The following SGPP2 variants were observed in gnomAD, a reference collection of about 807,000 sequenced individuals.
SGPP2 encodes the protein sphingosine-1-phosphate phosphatase 2.
In SGPP2, 30 loss-of-function variants were observed where a neutral mutation model predicts 33.9. The observed-to-expected ratio is 0.89, with a 90% CI of 0.66 to 1.20. The LOEUF (loss-of-function observed/expected upper bound fraction) is 1.20, where lower values mean the gene tolerates loss of function less well. SGPP2 is among the 50% of genes most tolerant of loss of function. SGPP2 has a pLI of 0.00. For synonymous variants in SGPP2, 233 were observed against 225.0 expected, an observed-to-expected ratio of 1.04 and a Z score of -0.32; for missense variants, 458 against 532.1, an observed-to-expected ratio of 0.86 and a Z score of 1.37.
intron 1 of SGPP2, among the ~76,000 whole-genome samples, chr2:222,426,269 T>C (rs1296822131): frequency 7.1e-6 from 1 of 141,776 alleles, no homozygotes; most frequent in South Asian, 2.3e-4. Context: ...CAAAAAACAG[T>C]CCCATGGCTG....
chr2:222,474,351 G>T (rs990324113), intron 1 of SGPP2, among the ~76,000 whole-genome samples: 14 of 152,214 alleles, frequency 9.2e-5, no homozygotes, highest in African/African-American at 3.1e-4. Context: ...TTCTGTCTTG[G>T]ATATTGCTTA....
intron 2 of SGPP2, chr2:222,504,317 C>A (rs145041858): frequency 6.6e-6 from 1 of 152,238 alleles, no homozygotes; most frequent in Non-Finnish European, 1.5e-5. Flanking sequence ...CTGTGGGGAG[C>A]AGTGATGGCG....
At chr2:222,511,669 A>G (rs1191703635) in intron 2 of SGPP2, among the ~76,000 whole-genome samples, 2 of 152,168 alleles carry the variant, frequency 1.3e-5, no homozygotes, top group African/African-American at 2.4e-5. Flanking sequence ...AAATGAAGAA[A>G]TAGTTCTCTG....
chr2:222,488,741 G>C (rs1698151618), intron 2 of SGPP2, among the ~76,000 whole-genome samples: 1 of 152,128 alleles, frequency 6.6e-6, no homozygotes, highest in Non-Finnish European at 1.5e-5. Flanking sequence ...TCAGCTTAGG[G>C]GGATGTGTGT....
intron 2 of SGPP2, among the ~76,000 whole-genome samples, chr2:222,502,253 C>T (rs1197769946): frequency 6.6e-6 from 1 of 152,108 alleles, no homozygotes; most frequent in African/African-American, 2.4e-5. Flanking sequence ...AAACCATATC[C>T]CCTTCTTGTT....
intron 1 of SGPP2, among the ~76,000 whole-genome samples, chr2:222,428,785 C>CTTT (rs58239129): frequency 3.7e-4 from 28 of 75,334 alleles, no homozygotes; most frequent in South Asian, 1.1e-3. Context: ...ACATGGTTTT[C>CTTT]TTTTTTTTTT....
chr2:222,530,094 G>A (rs1698816887), intron 4 of SGPP2, among the ~76,000 whole-genome samples: 1 of 152,136 alleles, frequency 6.6e-6, no homozygotes, highest in African/African-American at 2.4e-5. Context: ...TCAAAACAAT[G>A]GGCTTAAAAT....
intron 4 of SGPP2, among the ~76,000 whole-genome samples, chr2:222,547,748 C>G (rs567274116): frequency 6.6e-6 from 1 of 152,148 alleles, no homozygotes; most frequent in South Asian, 2.1e-4. Flanking sequence ...CATGCAATAT[C>G]CATATTCAGT....
At chr2:222,548,199 T>C (rs777457426) in intron 4 of SGPP2, among the ~76,000 whole-genome samples, 1 of 152,256 alleles carries the variant, frequency 6.6e-6, no homozygotes, top group Non-Finnish European at 1.5e-5. Flanking sequence ...AACAAAGTAC[T>C]TTCCCTTTTA....
intron 1 of SGPP2, among the ~76,000 whole-genome samples, chr2:222,433,576 C>T (rs547597946): frequency 3.9e-5 from 6 of 152,256 alleles, no homozygotes; most frequent in African/African-American, 1.4e-4. Context: ...GAAAGGTGCG[C>T]TAAACTCGCC....
chr2:222,496,597 C>T (rs1698284300), intron 2 of SGPP2, among the ~76,000 whole-genome samples: 1 of 152,174 alleles, frequency 6.6e-6, no homozygotes, highest in Admixed American at 6.5e-5. Flanking sequence ...AAATTACCTA[C>T]AAGGTCTCTC....
intron 1 of SGPP2, among the ~76,000 whole-genome samples, chr2:222,457,070 A>G (rs1697584477): frequency 6.6e-6 from 1 of 152,144 alleles, no homozygotes; most frequent in African/African-American, 2.4e-5. Flanking sequence ...AGAGCCTTGC[A>G]TTTTTGTCTA....
chr2:222,535,444 G>T (rs190582682), intron 4 of SGPP2, among the ~76,000 whole-genome samples: 2 of 151,872 alleles, frequency 1.3e-5, no homozygotes, highest in Non-Finnish European at 2.9e-5. Flanking sequence ...GGATGAATCC[G>T]CTGCTGGAAG....
chr2:222,520,020 GGTATATACTCA>G (rs1698659807), intron 2 of SGPP2, among the ~76,000 whole-genome samples: 1 of 152,030 alleles, frequency 6.6e-6, no homozygotes. Flanking sequence ...TTTTCCTTTG[GGTATATACTCA>G]GTAATGGGAT....
chr2:222,447,087 T>C (rs1260592206), intron 1 of SGPP2, among the ~76,000 whole-genome samples: 1 of 152,212 alleles, frequency 6.6e-6, no homozygotes, highest in Non-Finnish European at 1.5e-5. Context: ...TTCTTTATGC[T>C]CCTCCATGTT....
intron 1 of SGPP2, among the ~76,000 whole-genome samples, chr2:222,425,570 G>T (rs1037371564): frequency 6.6e-6 from 1 of 152,176 alleles, no homozygotes; most frequent in Non-Finnish European, 1.5e-5. Flanking sequence ...CGTCGTCGTC[G>T]CAGTGCACAG....
intron 2 of SGPP2, among the ~76,000 whole-genome samples, chr2:222,509,911 G>T (rs1443532985): frequency 6.6e-6 from 1 of 152,128 alleles, no homozygotes; most frequent in African/African-American, 2.4e-5. Flanking sequence ...ACTACCGTAG[G>T]CAGTGGGGCT....
intron 1 of SGPP2, among the ~76,000 whole-genome samples, chr2:222,430,652 A>T (rs1697140345): frequency 6.6e-6 from 1 of 152,148 alleles, no homozygotes; most frequent in African/African-American, 2.4e-5. Flanking sequence ...GCACATAGTG[A>T]CTTCCTTCCA....
At chr2:222,488,516 G>A (rs903911817) in intron 2 of SGPP2, among the ~76,000 whole-genome samples, 2 of 152,172 alleles carry the variant, frequency 1.3e-5, no homozygotes, top group African/African-American at 4.8e-5. Context: ...ACCCCTATCT[G>A]CAGAAAAATT....
Sources: allele counts gnomAD v4.1 joint callset (sites outside exome capture counted in the v4.1 genomes callset), GRCh38; gene constraint gnomAD v4.1.1; transcripts MANE v1.5; gene names NCBI Gene and HGNC (gene_info 2026-07-23, HGNC 2026-07-21).